The following MYO9A variants were observed in gnomAD, a reference collection of about 807,000 sequenced individuals.
MYO9A encodes unconventional myosin-IXa.
Under a neutral mutation model 293.3 loss-of-function variants are expected in MYO9A, and 103 were observed. That is an observed-to-expected ratio of 0.35 (90% CI 0.30 to 0.41). The LOEUF (loss-of-function observed/expected upper bound fraction) is 0.41. MYO9A is among the 10% of genes least tolerant of loss of function. The pLI is 1.00. For missense variants in MYO9A, 2,685 were observed against 3,033.0 expected, an observed-to-expected ratio of 0.89 and a Z score of 2.69; for synonymous variants, 1,001 against 1,035.7, an observed-to-expected ratio of 0.97 and a Z score of 0.64.
chr15:71,876,265 G>A (rs1389174482), intron 31 of MYO9A, among the ~76,000 whole-genome samples: 19 of 149,412 alleles, frequency 1.3e-4, no homozygotes, highest in East Asian at 2.0e-4. Flanking sequence ...CTCCTGCCTC[G>A]GCCTCCTGAG....
intron 1 of MYO9A, among the ~76,000 whole-genome samples, chr15:72,066,779 A>G (rs552822064): frequency 2.0e-4 from 30 of 152,036 alleles, no homozygotes; most frequent in African/African-American, 6.7e-4. Context: ...TGTATGTTAC[A>G]TGGGAACTGC....
At chr15:72,007,592 C>T (rs2077053201) in intron 8 of MYO9A, among the ~76,000 whole-genome samples, 1 of 152,008 alleles carries the variant, frequency 6.6e-6, no homozygotes, top group Non-Finnish European at 1.5e-5. Flanking sequence ...ATGTCTGGAG[C>T]AAGTGGAGGC....
intron 19 of MYO9A, among the ~76,000 whole-genome samples, chr15:71,912,642 T>C (rs1315122558): frequency 2.6e-5 from 4 of 152,228 alleles, no homozygotes; most frequent in Non-Finnish European, 5.9e-5. Context: ...TTCCATGTGG[T>C]TTTCCCATCA....
intron 1 of MYO9A, among the ~76,000 whole-genome samples, chr15:72,110,361 G>A (rs761135429): frequency 6.7e-5 from 10 of 148,240 alleles, no homozygotes; most frequent in South Asian, 2.1e-4. Flanking sequence ...ACTTGAACCC[G>A]GAAGCCGGAG....
chr15:71,900,526 T>A (rs567210379), intron 23 of MYO9A, among the ~76,000 whole-genome samples: 1 of 152,298 alleles, frequency 6.6e-6, no homozygotes, highest in East Asian at 1.9e-4. Flanking sequence ...CTTCCAGATA[T>A]GTTTGGCTAA....
At chr15:72,109,772 C>T (rs968585961) in intron 1 of MYO9A, among the ~76,000 whole-genome samples, 1 of 151,756 alleles carries the variant, frequency 6.6e-6, no homozygotes, top group African/African-American at 2.4e-5. Flanking sequence ...ACCTGTAATC[C>T]CAGCTACTTG....
At chr15:71,883,517 T>C (rs1053803053) in intron 28 of MYO9A, 77 bp downstream of exon 28, 9 of 1,446,522 alleles carry the variant, frequency 6.2e-6, no homozygotes, top group African/African-American at 5.7e-5. Context: ...ACATTATGAA[T>C]ACTACAGGAA....
chr15:71,931,479 T>C (rs2058474232), intron 18 of MYO9A, among the ~76,000 whole-genome samples: 1 of 152,202 alleles, frequency 6.6e-6, no homozygotes, highest in Non-Finnish European at 1.5e-5. Context: ...TGGGGGACCC[T>C]TGTATTTAAC....
At chr15:71,884,587 A>G (rs190375794) in intron 27 of MYO9A, among the ~76,000 whole-genome samples, 10 of 152,160 alleles carry the variant, frequency 6.6e-5, no homozygotes, top group African/African-American at 1.9e-4. Context: ...AACCACATCT[A>G]TTATATTGTA....
intron 39 of MYO9A, among the ~76,000 whole-genome samples, chr15:71,831,303 A>G (rs2054717045): frequency 6.6e-6 from 1 of 152,120 alleles, no homozygotes; most frequent in African/African-American, 2.4e-5. Context: ...TATCTCATTA[A>G]TTTATTGTTT....
chr15:72,111,183 T>C (rs1421857321), intron 1 of MYO9A, among the ~76,000 whole-genome samples: 1 of 146,872 alleles, frequency 6.8e-6, no homozygotes, highest in Non-Finnish European at 1.5e-5. Context: ...ATTATTGATT[T>C]CACATTTAAA....
intron 32 of MYO9A, 42 bp from the exon 33 acceptor site, chr15:71,862,653 G>C (rs1200981030): frequency 3.0e-6 from 4 of 1,330,502 alleles, no homozygotes; most frequent in Non-Finnish European, 4.3e-6. Context: ...AGCCAACACA[G>C]TAAATGCTGC....
intron 18 of MYO9A, among the ~76,000 whole-genome samples, chr15:71,933,203 G>C (rs62025572): frequency 1.1e-4 from 17 of 152,214 alleles, no homozygotes; most frequent in Non-Finnish European, 1.6e-4. Flanking sequence ...CTGCATTTCT[G>C]CTACAACAGC....
At chr15:71,999,362 C>G (rs1257504155) in intron 9 of MYO9A, among the ~76,000 whole-genome samples, 3 of 151,808 alleles carry the variant, frequency 2.0e-5, no homozygotes, top group African/African-American at 7.3e-5. Flanking sequence ...GGTAAGATAA[C>G]CTCAATGAAG....
intron 18 of MYO9A, among the ~76,000 whole-genome samples, chr15:71,923,016 G>A (rs2145153193): frequency 6.6e-6 from 1 of 152,240 alleles, no homozygotes; most frequent in Admixed American, 6.5e-5. Flanking sequence ...TGCTGTCTGT[G>A]AGTCTGTCAT....
intron 3 of MYO9A, 51 bp from the exon 4 acceptor site, chr15:72,027,844 G>A (rs774972358): frequency 3.9e-6 from 5 of 1,281,288 alleles, no homozygotes; most frequent in South Asian, 3.8e-5. Flanking sequence ...TTAATATAAG[G>A]CAGAAAAATA....
At chr15:71,917,634 A>G (rs1225425813) in intron 18 of MYO9A, among the ~76,000 whole-genome samples, 3 of 152,220 alleles carry the variant, frequency 2.0e-5, no homozygotes, top group Non-Finnish European at 4.4e-5. Context: ...TGAAGCAACT[A>G]AAGTATACAA....
chr15:71,978,399 A>G, intron 11 of MYO9A, 107 bp from the exon 12 acceptor site: 1 of 824,528 alleles, frequency 1.2e-6, no homozygotes, highest in Non-Finnish European at 1.8e-6. Flanking sequence ...AGATTTTAAA[A>G]ATCACCAATC....
chr15:71,905,788 A>AAAAT (rs2057617200), intron 19 of MYO9A, among the ~76,000 whole-genome samples: 9 of 149,600 alleles, frequency 6.0e-5, no homozygotes, highest in East Asian at 1.9e-4. Flanking sequence ...AAAAAAAAAA[A>AAAAT]TTTGGATCTG....
Sources: allele counts gnomAD v4.1 joint callset (sites outside exome capture counted in the v4.1 genomes callset), GRCh38; gene constraint gnomAD v4.1.1; transcripts MANE v1.5; gene names NCBI Gene and HGNC (gene_info 2026-07-23, HGNC 2026-07-21).